The following SLIT2 variants were observed in gnomAD, a reference collection of about 807,000 sequenced individuals.
SLIT2 encodes the protein slit homolog 2 protein.
In SLIT2, 41 loss-of-function variants were observed where a neutral mutation model predicts 185.7. That is an observed-to-expected ratio of 0.22 (90% CI 0.17 to 0.29). SLIT2 has a LOEUF of 0.29. Among genes scored for constraint, SLIT2 ranks in the 10% least tolerant of loss-of-function variants. The pLI, the probability that SLIT2 is intolerant of heterozygous loss-of-function variation, is 1.00. For synonymous variants in SLIT2, 693 were observed against 680.2 expected (o/e 1.02, Z -0.29); for missense variants, 1,571 against 1,909.0 (o/e 0.82, Z 3.30).
Position 20,539,519 on chromosome 4 carries a change from G to A in SLIT2, c.1911G>A (p.Leu637=). The change falls in exon 19 of 37, where the codon TTG becomes TTA. Residue 637 remains leucine, a synonymous_variant. Coordinates refer to ENST00000504154, the MANE Select transcript of SLIT2 (RefSeq NM_004787.4). Reference sequence around the variant, plus strand: ...TCAGTTCTGTGCGTTTGCTTTCTTTGTATGATAATCAAATTACTACAGTTG... The same window carrying A: ...TCAGTTCTGTGCGTTTGCTTTCTTTATATGATAATCAAATTACTACAGTTG... ...IGLSSVRLLS[L]YDNQITTVAP... is the part of the protein sequence containing the mutation. 1 of 1,613,092 alleles carries A rather than the reference G, an allele frequency of 6.2e-7. No individual in the cohort carries two copies. Among genetic ancestry groups the A allele is most frequent in the Non-Finnish European group, 8.5e-7 (1 of 1,179,282 alleles).
intron 4 of SLIT2, among the ~76,000 whole-genome samples, chr4:20,427,670 CTTT>C (rs909558402): frequency 2.4e-5 from 3 of 126,700 alleles, no homozygotes; most frequent in Non-Finnish European, 3.5e-5. Context: ...AATTTGCATT[CTTT>C]TTTTTTTTTT....
At chr4:20,486,684 C>G (rs772165020) in intron 7 of SLIT2, among the ~76,000 whole-genome samples, 3 of 152,094 alleles carry the variant, frequency 2.0e-5, no homozygotes, top group Non-Finnish European at 4.4e-5. Flanking sequence ...GCATCACCCT[C>G]TAGTACTTCT....
intron 3 of SLIT2, among the ~76,000 whole-genome samples, chr4:20,265,443 AGAC>A (rs1712931159): frequency 6.6e-6 from 1 of 151,932 alleles, no homozygotes; most frequent in Non-Finnish European, 1.5e-5. Context: ...ACTGCTTTAA[AGAC>A]AATAAAAGGG....
At chr4:20,589,790 T>A (rs1458471354) in intron 30 of SLIT2, 53 bp downstream of exon 30, 1 of 1,243,696 alleles carries the variant, frequency 8.0e-7, no homozygotes, top group Non-Finnish European at 1.2e-6. Flanking sequence ...ACCCATTATT[T>A]TAGGAGCCCT....
intron 5 of SLIT2, among the ~76,000 whole-genome samples, chr4:20,472,300 A>C (rs1271010265): frequency 5.8e-5 from 2 of 34,754 alleles, no homozygotes; most frequent in African/African-American, 4.3e-4. Flanking sequence ...ATATAGATAT[A>C]TAGATCTATA....
chr4:20,511,848 G>T (rs1301636175), intron 11 of SLIT2, among the ~76,000 whole-genome samples: 1 of 151,712 alleles, frequency 6.6e-6, no homozygotes, highest in Non-Finnish European at 1.5e-5. Context: ...AACACTTGAA[G>T]ATGACCACTG....
chr4:20,524,993 A>G (rs778565655), intron 14 of SLIT2, among the ~76,000 whole-genome samples, 156 bp from the exon 15 acceptor site: 1 of 152,122 alleles, frequency 6.6e-6, no homozygotes, highest in Non-Finnish European at 1.5e-5. Context: ...TGCATTTACT[A>G]CTCACTGTAC....
chr4:20,365,516 G>A (rs553876482), intron 4 of SLIT2, among the ~76,000 whole-genome samples: 4 of 152,194 alleles, frequency 2.6e-5, no homozygotes, highest in Admixed American at 1.3e-4. Flanking sequence ...GGCTGTACCC[G>A]ATTGTTCTGT....
At chr4:20,291,481 TATATATATATA>T (rs1261611574) in intron 4 of SLIT2, among the ~76,000 whole-genome samples, 35 of 10,304 alleles carry the variant, frequency 3.4e-3, no homozygotes, top group Admixed American at 6.8e-3. Context: ...TATATATATA[TATATATATATA>T]TTTTTTTTTT....
intron 30 of SLIT2, among the ~76,000 whole-genome samples, chr4:20,591,124 T>G (rs1727485004): frequency 6.7e-6 from 1 of 148,842 alleles, no homozygotes; most frequent in African/African-American, 2.6e-5. Context: ...TAATACCATC[T>G]TATGATTTTG....
chr4:20,260,029 A>T (rs1283605293), intron 3 of SLIT2, among the ~76,000 whole-genome samples: 3 of 151,986 alleles, frequency 2.0e-5, no homozygotes, highest in African/African-American at 4.8e-5. Flanking sequence ...TTTATTTTTT[A>T]AAAATACATT....
chr4:20,533,879 T>G (rs1092406), intron 18 of SLIT2, among the ~76,000 whole-genome samples, 164 bp downstream of exon 18: 2 of 151,482 alleles, frequency 1.3e-5, no homozygotes, highest in African/African-American at 2.4e-5. Context: ...CACACACACA[T>G]GTATTGTGAA....
In SLIT2 at chr4:20,253,653, TGGGC is replaced by T; in HGVS notation, c.-162_-159del. 1 of 674,254 alleles carries T rather than the reference TGGGC, an allele frequency of 1.5e-6. No homozygotes were observed. The allele number at this position is 674,254 out of a possible 1,614,324, so 41.8% of individuals were successfully genotyped here. On this transcript the variant is annotated 5_prime_UTR_variant, in exon 1 of 37. Coordinates refer to ENST00000504154, the MANE Select transcript of SLIT2 (RefSeq NM_004787.4). Reference sequence around the variant, plus strand: ...GGGCGGTGGGAGGCGTGTGCCTGAGTGGGCTCTACTGCCTTGTTCCATATTATTT... The same window carrying T: ...GGGCGGTGGGAGGCGTGTGCCTGAGTTCTACTGCCTTGTTCCATATTATTT...
chr4:20,338,554 T>C (rs4697160), intron 4 of SLIT2, among the ~76,000 whole-genome samples: 132,135 of 152,192 alleles, frequency 0.87, 57,547 homozygotes, highest in African/African-American at 0.92. Context: ...AGCAAGGAGC[T>C]ATGCAGCAAG....
intron 4 of SLIT2, among the ~76,000 whole-genome samples, chr4:20,348,977 C>T (rs1289666214): frequency 1.3e-5 from 2 of 152,196 alleles, no homozygotes; most frequent in African/African-American, 4.8e-5. Context: ...TAGCCTGACT[C>T]CACTTTGCCT....
At chr4:20,546,244 C>T (rs1360674817) in intron 22 of SLIT2, 145 bp downstream of exon 22, 3 of 502,216 alleles carry the variant, frequency 6.0e-6, no homozygotes, top group Non-Finnish European at 1.1e-5. Context: ...CGGTTCTGGA[C>T]CCCTGGCTAC....
chr4:20,613,720 CA>C (rs1162741478), intron 34 of SLIT2, among the ~76,000 whole-genome samples: 2 of 151,688 alleles, frequency 1.3e-5, no homozygotes, highest in South Asian at 2.1e-4. Flanking sequence ...AAACAAAAAA[CA>C]AAAAAAACCA....
intron 4 of SLIT2, among the ~76,000 whole-genome samples, chr4:20,446,780 ACT>A (rs1231022348): frequency 6.6e-6 from 1 of 152,134 alleles, no homozygotes; most frequent in African/African-American, 2.4e-5. Flanking sequence ...TTAACTATTA[ACT>A]CTATGTACAG....
At chr4:20,355,422 A>G (rs1292064972) in intron 4 of SLIT2, among the ~76,000 whole-genome samples, 2 of 152,310 alleles carry the variant, frequency 1.3e-5, no homozygotes, top group East Asian at 3.9e-4. Context: ...GAGAAAAAAA[A>G]CATGTTTAAT....
Sources: gnomAD v4.1 joint callset for allele counts (sites outside exome capture counted in the v4.1 genomes callset) on GRCh38, gnomAD v4.1.1 for gene constraint, MANE v1.5 for transcripts, NCBI Gene and HGNC (gene_info 2026-07-23, HGNC 2026-07-21) for gene names.